The following EYS variants were observed in gnomAD, a reference collection of about 807,000 sequenced individuals.
The protein encoded by EYS is EGF-like photoreceptor maintenance factor, also known as protein eyes shut homolog.
A neutral mutation model predicts 282.1 loss-of-function variants in EYS; 250 were observed. The observed-to-expected ratio is 0.89, with a 90% CI of 0.80 to 0.98. The LOEUF is 0.98. Among genes scored for constraint, EYS ranks in the 50% least tolerant of loss-of-function variants. The pLI is 0.00. For missense variants in EYS, 4,016 were observed against 3,709.0 expected (o/e 1.08, Z -2.15); for synonymous variants, 1,355 against 1,282.9 (o/e 1.06, Z -1.20).
intron 30 of EYS, among the ~76,000 whole-genome samples, chr6:64,243,089 A>T (rs1766889172): frequency 6.7e-6 from 1 of 148,648 alleles, no homozygotes; most frequent in Non-Finnish European, 1.5e-5. Context: ...ATTTACATAT[A>T]TGTAATATTT....
chr6:65,136,830 C>G (rs575192227), intron 12 of EYS, among the ~76,000 whole-genome samples: 1 of 152,062 alleles, frequency 6.6e-6, no homozygotes, highest in South Asian at 2.1e-4. Context: ...CACATGTGCA[C>G]ACCACCACAC....
chr6:64,502,015 C>G (rs1425211080), intron 26 of EYS, among the ~76,000 whole-genome samples: 3 of 152,086 alleles, frequency 2.0e-5, no homozygotes, highest in African/African-American at 7.2e-5. Context: ...AATATAACAC[C>G]GATCTCATAG....
intron 30 of EYS, among the ~76,000 whole-genome samples, chr6:64,251,300 T>G (rs1767207631): frequency 6.6e-6 from 1 of 152,172 alleles, no homozygotes; most frequent in African/African-American, 2.4e-5. Context: ...ATAATCTTTA[T>G]GTACTGAACA....
chr6:65,376,810 C>T (rs994611664), intron 8 of EYS, among the ~76,000 whole-genome samples: 2 of 152,094 alleles, frequency 1.3e-5, no homozygotes, highest in Non-Finnish European at 2.9e-5. Context: ...ATCAATGCAA[C>T]AAGAAGAGCT....
intron 2 of EYS, among the ~76,000 whole-genome samples, chr6:65,545,755 T>C (rs1489047129): frequency 2.0e-5 from 3 of 152,180 alleles, no homozygotes; most frequent in African/African-American, 7.2e-5. Context: ...CCTTCAAATT[T>C]AATAGTTAAG....
intron 22 of EYS, among the ~76,000 whole-genome samples, chr6:64,775,911 T>A (rs977975823): frequency 3.3e-5 from 5 of 152,076 alleles, no homozygotes; most frequent in African/African-American, 1.2e-4. Flanking sequence ...TATGTAGACT[T>A]ATCTCTCAGT....
At chr6:64,396,113 C>T (rs370658480) in intron 28 of EYS, among the ~76,000 whole-genome samples, 44 of 152,110 alleles carry the variant, frequency 2.9e-4, no homozygotes, top group African/African-American at 1.1e-3. Flanking sequence ...CACAACTCTT[C>T]TATCCTCATT....
At chr6:65,515,733 T>G (rs946333483) in intron 2 of EYS, among the ~76,000 whole-genome samples, 5 of 138,048 alleles carry the variant, frequency 3.6e-5, no homozygotes, top group Middle Eastern at 8.3e-3. Context: ...TAGGTGGGAA[T>G]TGAACAATGA....
At chr6:65,588,513 T>C (rs563302232) in intron 2 of EYS, among the ~76,000 whole-genome samples, 2 of 152,006 alleles carry the variant, frequency 1.3e-5, no homozygotes, top group East Asian at 1.9e-4. Context: ...TTTCCTTCAC[T>C]GATCTCTTTT....
intron 28 of EYS, among the ~76,000 whole-genome samples, chr6:64,424,559 C>T (rs768114216): frequency 5.3e-5 from 8 of 152,196 alleles, no homozygotes; most frequent in Non-Finnish European, 8.8e-5. Flanking sequence ...ACTGCAAACC[C>T]TGCGTGTTTT....
chr6:64,340,227 A>T (rs1771048492), intron 29 of EYS, among the ~76,000 whole-genome samples: 1 of 151,776 alleles, frequency 6.6e-6, no homozygotes, highest in African/African-American at 2.4e-5. Context: ...AGTATTCTAA[A>T]ATTCATACAG....
Position 64,105,655 on chromosome 6 carries a change from T to A in EYS, c.6425-23653A>T, listed in dbSNP as rs1436508809. 1.3e-5 allele frequency among the ~76,000 whole-genome samples: 2 copies of A among 152,128 alleles called. 1 individual carries two copies. On this transcript the variant is annotated intron_variant, in intron 31 of 42. Transcript: ENST00000503581. The stretch of plus-strand genomic sequence containing the variant: ...TTTCTCTTTCACTATAGTTTTGCCT[T>A]TTCCGTAATGCCAGGCAGTTGAACT...
chr6:64,309,913 C>T (rs141422723), intron 29 of EYS, among the ~76,000 whole-genome samples: 6 of 150,698 alleles, frequency 4.0e-5, no homozygotes, highest in East Asian at 2.0e-4. Flanking sequence ...TGCAGTGAAC[C>T]GAGATCGTAC....
intron 1 of EYS, among the ~76,000 whole-genome samples, chr6:65,705,695 G>A (rs1354271463): frequency 6.6e-6 from 1 of 152,042 alleles, no homozygotes; most frequent in Non-Finnish European, 1.5e-5. Context: ...TTCATGGTTT[G>A]GCATTTGAGT....
At chr6:64,885,665 G>A (rs1163709118) in intron 19 of EYS, among the ~76,000 whole-genome samples, 1 of 151,634 alleles carries the variant, frequency 6.6e-6, no homozygotes, top group Non-Finnish European at 1.5e-5. Context: ...GATACTTTTT[G>A]GGAAATATTA....
chr6:65,250,133 T>C (rs942373596), intron 12 of EYS, among the ~76,000 whole-genome samples: 1 of 151,988 alleles, frequency 6.6e-6, no homozygotes, highest in African/African-American at 2.4e-5. Context: ...GATACTTAGA[T>C]TAAAATTTTG....
At chr6:64,875,610 A>G (rs1766725306) in intron 19 of EYS, among the ~76,000 whole-genome samples, 1 of 152,100 alleles carries the variant, frequency 6.6e-6, no homozygotes, top group Non-Finnish European at 1.5e-5. Flanking sequence ...AACTATGAAC[A>G]ACTGAAGAAG....
intron 35 of EYS, among the ~76,000 whole-genome samples, chr6:63,957,032 G>A (rs1380137713): frequency 6.6e-6 from 1 of 152,062 alleles, no homozygotes; most frequent in East Asian, 1.9e-4. Flanking sequence ...TGATAAATTT[G>A]CTCTTCCTTT....
intron 29 of EYS, among the ~76,000 whole-genome samples, chr6:64,337,302 C>G (rs1268367771): frequency 6.6e-6 from 1 of 151,992 alleles, no homozygotes; most frequent in African/African-American, 2.4e-5. Flanking sequence ...GGAGATACTA[C>G]AACAGACACC....
Sources: allele counts gnomAD v4.1 joint callset (sites outside exome capture counted in the v4.1 genomes callset), GRCh38; gene constraint gnomAD v4.1.1; transcripts MANE v1.5; gene names NCBI Gene and HGNC (gene_info 2026-07-23, HGNC 2026-07-21).